The following TANC1 variants were observed in gnomAD, a reference collection of about 807,000 sequenced individuals.
TANC1 encodes protein TANC1.
A neutral mutation model predicts 149.7 loss-of-function variants in TANC1; 77 were observed. The ratio of observed to expected loss-of-function variants is 0.51; its 90% CI spans 0.43 to 0.62. TANC1 has a LOEUF of 0.62. Ranked by LOEUF, TANC1 falls within the 20% of genes least tolerant of loss-of-function variation. TANC1 has a pLI of 0.00. For synonymous variants in TANC1, 854 were observed against 925.0 expected, an observed-to-expected ratio of 0.92 and a Z score of 1.39; for missense variants, 1,985 against 2,321.8, an observed-to-expected ratio of 0.85 and a Z score of 2.98.
chr2:159,122,782 A>G (rs264595), intron 4 of TANC1, among the ~76,000 whole-genome samples: 49,216 of 144,556 alleles, frequency 0.34, 8,180 homozygotes, highest in South Asian at 0.42. Context: ...TTTTTTTTGC[A>G]GAGTAATACT....
At chr2:159,177,318 C>T (rs1018658839) in intron 13 of TANC1, among the ~76,000 whole-genome samples, 3 of 151,918 alleles carry the variant, frequency 2.0e-5, no homozygotes, top group Non-Finnish European at 4.4e-5. Flanking sequence ...TTTTCTCCTC[C>T]ATCTTCTTCC....
At chr2:159,113,137 C>G (rs2047924036) in intron 4 of TANC1, among the ~76,000 whole-genome samples, 1 of 151,794 alleles carries the variant, frequency 6.6e-6, no homozygotes, top group Non-Finnish European at 1.5e-5. Flanking sequence ...TTTTCTCTGC[C>G]TCACCCTGTT....
intron 1 of TANC1, among the ~76,000 whole-genome samples, chr2:158,999,368 A>G (rs571593635): frequency 5.9e-5 from 9 of 152,316 alleles, no homozygotes; most frequent in Non-Finnish European, 1.3e-4. Flanking sequence ...CCATGGAGTT[A>G]CCCATTTCCT....
intron 2 of TANC1, among the ~76,000 whole-genome samples, chr2:159,005,589 A>G (rs2149348004): frequency 6.6e-6 from 1 of 152,108 alleles, no homozygotes; most frequent in Admixed American, 6.5e-5. Context: ...CCTTGTCTCA[A>G]AAAAAAGTAA....
At chr2:159,050,220 T>C (rs1437279882) in intron 2 of TANC1, among the ~76,000 whole-genome samples, 8 of 152,160 alleles carry the variant, frequency 5.3e-5, no homozygotes, top group Non-Finnish European at 1.2e-4. Context: ...TGAGCCCACC[T>C]CAGCCCCGCA....
At chr2:159,004,670 G>T (rs1307224369) in intron 2 of TANC1, among the ~76,000 whole-genome samples, 2 of 151,924 alleles carry the variant, frequency 1.3e-5, no homozygotes, top group African/African-American at 4.8e-5. Flanking sequence ...TTGGAAAACA[G>T]TTCTATTTAT....
chr2:158,978,257 C>T (rs779348380), intron 1 of TANC1, among the ~76,000 whole-genome samples: 5 of 152,120 alleles, frequency 3.3e-5, no homozygotes, highest in African/African-American at 9.7e-5. Flanking sequence ...GGGTGGGTCT[C>T]GCCTCCAGCC....
chr2:159,091,012 C>T (rs976308492), intron 3 of TANC1, among the ~76,000 whole-genome samples: 7 of 151,478 alleles, frequency 4.6e-5, no homozygotes, highest in Admixed American at 1.3e-4. Context: ...TGAAAATAGA[C>T]GAGGGAACAG....
intron 4 of TANC1, among the ~76,000 whole-genome samples, chr2:159,098,894 A>G (rs988662982): frequency 3.3e-5 from 5 of 152,036 alleles, no homozygotes; most frequent in Admixed American, 2.6e-4. Context: ...CCAGTTGATC[A>G]TATGCCAGTG....
Position 159,159,691 on chromosome 2 carries a change from C to CGTGT in TANC1, c.683-3568_683-3565dup, listed in dbSNP as rs371748384. Among the ~76,000 whole-genome samples the CGTGT allele has an allele frequency of 4.4e-3, 517 of 117,892 alleles. 3 individuals are homozygous for CGTGT. Among genetic ancestry groups the CGTGT allele is most frequent in the Non-Finnish European group, 6.0e-3 (327 of 54,586 alleles). The allele number at this position is 117,892 out of a possible 152,430, so 77.3% of individuals were successfully genotyped here. ...ATACCACTAATTGTGCATACACATA[C>CGTGT]GTGTGTGTGTGTGTGTGTGTGTGTG... On this transcript the variant is annotated intron_variant, in intron 7 of 26. Transcript: ENST00000263635.
Position 159,195,412 on chromosome 2 carries a change from G to A in TANC1, c.2979+919G>A, listed in dbSNP as rs113227279. 7.3e-3 allele frequency among the ~76,000 whole-genome samples: 1,119 copies of A among 152,290 alleles called. 12 individuals carry two copies. The highest frequency in any genetic ancestry group is 0.038 in the South Asian group (184 of 4,824). On this transcript the variant is annotated intron_variant, in intron 17 of 26. Transcript: ENST00000263635. ...TGGGATTATAGGTATGAGCCACCAC[G>A]TCTGGCCAGGAGCTGTCAGCTTTAA... is the stretch of plus-strand genomic sequence containing the variant.
At chr2:159,196,055 C>T (rs548438366) in intron 17 of TANC1, among the ~76,000 whole-genome samples, 1 of 152,138 alleles carries the variant, frequency 6.6e-6, no homozygotes, top group Non-Finnish European at 1.5e-5. Context: ...CCCCCCTTTA[C>T]TTGCCAGCAT....
In TANC1 at chr2:159,230,580, C is replaced by T; in HGVS notation, c.5154C>T (p.Pro1718=). The T allele has an allele frequency of 6.2e-7, 1 of 1,614,184 alleles. No individual in the cohort carries two copies. The highest frequency in any genetic ancestry group is 8.5e-7 in the Non-Finnish European group (1 of 1,180,038). Reference sequence around the variant, plus strand: ...AGAGCGGTACAGCTGAGCACAGACCCCGCAACACGCCGTTCATGGGCATCA... The same window carrying T: ...AGAGCGGTACAGCTGAGCACAGACCTCGCAACACGCCGTTCATGGGCATCA... The part of the protein sequence containing the change: ...HVQSGTAEHR[P]RNTPFMGIMD... Residue 1718 remains proline, a synonymous_variant, in exon 27 of 27, where the codon CCC becomes CCT. Transcript: ENST00000263635. This position sits in a 1 kb window ranked among gnomAD's most constrained non-coding sequence, Gnocchi z 4.4.
intron 5 of TANC1, among the ~76,000 whole-genome samples, chr2:159,141,687 A>G (rs1461406416): frequency 2.6e-5 from 4 of 152,222 alleles, no homozygotes; most frequent in African/African-American, 9.6e-5. Flanking sequence ...CTGGTCAGCC[A>G]TTTGCTTGGA....
At chr2:159,209,516 C>T (rs1387244956) in intron 19 of TANC1, among the ~76,000 whole-genome samples, 1 of 152,144 alleles carries the variant, frequency 6.6e-6, no homozygotes, top group Non-Finnish European at 1.5e-5. Flanking sequence ...AAGGTTGCTG[C>T]TTTCAGCCAG....
At chr2:159,159,425 G>A (rs1177376798) in intron 7 of TANC1, among the ~76,000 whole-genome samples, 1 of 147,164 alleles carries the variant, frequency 6.8e-6, no homozygotes, top group Admixed American at 6.8e-5. Flanking sequence ...GGGCAAGAGA[G>A]TGAGACCCTG....
chr2:159,078,555 C>T (rs1464950477), intron 3 of TANC1, among the ~76,000 whole-genome samples: 1 of 152,154 alleles, frequency 6.6e-6, no homozygotes, highest in Non-Finnish European at 1.5e-5. Context: ...CTCTTTATTT[C>T]CCTGCTTTGT....
chr2:159,002,230 C>T (rs1219758797), intron 2 of TANC1, among the ~76,000 whole-genome samples: 1 of 152,180 alleles, frequency 6.6e-6, no homozygotes, highest in Admixed American at 6.5e-5. Context: ...AGCCTGGGTG[C>T]CTCTTCTCAT....
At chr2:159,099,927 G>A (rs748534686) in intron 4 of TANC1, among the ~76,000 whole-genome samples, 9 of 152,164 alleles carry the variant, frequency 5.9e-5, no homozygotes, top group Non-Finnish European at 1.2e-4. Flanking sequence ...AGATGGTCCT[G>A]AATAAAGTCT....
Sources: allele counts gnomAD v4.1 joint callset (sites outside exome capture counted in the v4.1 genomes callset), GRCh38; gene constraint gnomAD v4.1.1; non-coding constraint Gnocchi (gnomAD v3.1); transcripts MANE v1.5; gene names NCBI Gene and HGNC (gene_info 2026-07-23, HGNC 2026-07-21).